STK32A: variants seen among roughly 807,000 people sequenced by gnomAD.
The protein encoded by STK32A is serine/threonine kinase 32A, also known as serine/threonine-protein kinase 32A.
Under a neutral mutation model 53.2 loss-of-function variants are expected in STK32A, and 41 were observed. The ratio of observed to expected loss-of-function variants is 0.77; its 90% confidence interval spans 0.60 to 1.00. The LOEUF is 1.00. STK32A is among the 50% of genes least tolerant of loss of function. The probability of loss-of-function intolerance (pLI) is 0.00; values close to 1 mark genes in which losing one functional copy is unlikely to be tolerated. For synonymous variants in STK32A, 166 were observed against 162.8 expected, an observed-to-expected ratio of 1.02 and a Z score of -0.15; for missense variants, 458 against 485.8, an observed-to-expected ratio of 0.94 and a Z score of 0.54.
At chr5:147,255,968 C>T (rs9686602) in intron 2 of STK32A, among the ~76,000 whole-genome samples, 46,434 of 151,938 alleles carry the variant, frequency 0.31, 7,332 homozygotes, top group African/African-American at 0.38. Flanking sequence ...TCTCGCTTTA[C>T]GATGTCTTAT....
At chr5:147,358,370 T>A (rs1756351365) in intron 7 of STK32A, among the ~76,000 whole-genome samples, 1 of 152,110 alleles carries the variant, frequency 6.6e-6, no homozygotes, top group South Asian at 2.1e-4. Context: ...GGTAAATAGT[T>A]TGGAGTTCTG....
At chr5:147,343,797 A>C (rs1321024337) in intron 6 of STK32A, among the ~76,000 whole-genome samples, 1 of 152,246 alleles carries the variant, frequency 6.6e-6, no homozygotes, top group African/African-American at 2.4e-5. Context: ...TTCTGTTTAA[A>C]AATTTCAGTT....
chr5:147,321,456 C>T (rs1269627113), intron 4 of STK32A, among the ~76,000 whole-genome samples: 1 of 152,166 alleles, frequency 6.6e-6, no homozygotes, highest in Non-Finnish European at 1.5e-5. Context: ...TTTTTAAGAG[C>T]CAAACGTGCC....
intron 4 of STK32A, among the ~76,000 whole-genome samples, chr5:147,291,571 T>G (rs1271899889): frequency 1.3e-5 from 2 of 151,206 alleles, no homozygotes; most frequent in Non-Finnish European, 3.0e-5. Context: ...AAAGAATTTC[T>G]ATGCCTGAAT....
chr5:147,349,540 G>T (rs918591958), intron 6 of STK32A, among the ~76,000 whole-genome samples: 3 of 152,136 alleles, frequency 2.0e-5, no homozygotes, highest in African/African-American at 4.8e-5. Context: ...CGGCCCTTTT[G>T]TTCCCTTTAG....
intron 6 of STK32A, 39 bp downstream of exon 6, chr5:147,343,082 G>A (rs758493311): frequency 1.2e-6 from 2 of 1,606,418 alleles, no homozygotes; most frequent in African/African-American, 1.3e-5. Context: ...TACATGACAT[G>A]CATGTAGAAA....
At chr5:147,262,020 G>A (rs1754595241) in intron 2 of STK32A, among the ~76,000 whole-genome samples, 2 of 152,178 alleles carry the variant, frequency 1.3e-5, no homozygotes, top group East Asian at 3.9e-4. Flanking sequence ...GAGGTTAAAT[G>A]AGAGTGACCG....
At chr5:147,284,909 A>C (rs1219095864) in intron 4 of STK32A, among the ~76,000 whole-genome samples, 1 of 152,146 alleles carries the variant, frequency 6.6e-6, no homozygotes, top group Non-Finnish European at 1.5e-5. Flanking sequence ...TGCAATTTCC[A>C]TCAAAATACC....
At chr5:147,305,263 G>A (rs1292715053) in intron 4 of STK32A, among the ~76,000 whole-genome samples, 1 of 152,122 alleles carries the variant, frequency 6.6e-6, no homozygotes, top group African/African-American at 2.4e-5. Context: ...CCTCAGCAAA[G>A]CGAGAGGGAG....
At chr5:147,399,393 C>T in the STK32A span, 1 of 956,168 alleles carries the variant, frequency 1.0e-6, no homozygotes, top group Non-Finnish European at 1.5e-6. Context: ...GCTACAGAAC[C>T]TCACTCAGCA....
At chr5:147,247,129 G>A (rs1216273634) in intron 2 of STK32A, among the ~76,000 whole-genome samples, 2 of 152,168 alleles carry the variant, frequency 1.3e-5, no homozygotes, top group African/African-American at 2.4e-5. Flanking sequence ...AGACAATTTG[G>A]TTATCACTTC....
At chr5:147,382,330 A>T (rs1387630743) in intron 11 of STK32A, among the ~76,000 whole-genome samples, 1 of 151,912 alleles carries the variant, frequency 6.6e-6, no homozygotes, top group Admixed American at 6.6e-5. Flanking sequence ...TTGTTTGCAC[A>T]TCATTTTCTT....
At chr5:147,268,318 G>T (rs1754895207) in intron 2 of STK32A, among the ~76,000 whole-genome samples, 1 of 152,156 alleles carries the variant, frequency 6.6e-6, no homozygotes, top group South Asian at 2.1e-4. Context: ...ATTCTTCTGA[G>T]GTTGTAATAA....
intron 6 of STK32A, among the ~76,000 whole-genome samples, chr5:147,350,321 A>C (rs1289966346): frequency 6.6e-6 from 1 of 151,684 alleles, no homozygotes; most frequent in Non-Finnish European, 1.5e-5. Context: ...ATTTGTATCC[A>C]TATTCATGCC....
intron 8 of STK32A, among the ~76,000 whole-genome samples, chr5:147,362,115 G>T (rs1314744436): frequency 1.3e-5 from 2 of 152,128 alleles, no homozygotes; most frequent in Non-Finnish European, 2.9e-5. Flanking sequence ...CTTAAACTAA[G>T]AATCTCTTTC....
chr5:147,320,840 A>G (rs1225215258), intron 4 of STK32A, among the ~76,000 whole-genome samples: 1 of 152,192 alleles, frequency 6.6e-6, no homozygotes, highest in Non-Finnish European at 1.5e-5. Flanking sequence ...GTGGAAGGAA[A>G]AGATCTTCAA....
At chr5:147,355,444 C>T (rs1284247734) in intron 7 of STK32A, among the ~76,000 whole-genome samples, 2 of 152,000 alleles carry the variant, frequency 1.3e-5, no homozygotes, top group East Asian at 1.9e-4. Flanking sequence ...GAGGCCGAGG[C>T]GGGCAGATCA....
chr5:147,265,945 C>T (rs1754790205), intron 2 of STK32A, among the ~76,000 whole-genome samples: 1 of 152,066 alleles, frequency 6.6e-6, no homozygotes, highest in Admixed American at 6.5e-5. Context: ...CCTTTTTCAC[C>T]CTTCCTTGGC....
intron 8 of STK32A, among the ~76,000 whole-genome samples, chr5:147,369,879 A>C (rs1385485525): frequency 4.6e-5 from 7 of 152,202 alleles, no homozygotes; most frequent in Admixed American, 4.6e-4. Context: ...AGTATCTTAC[A>C]GTTCACATAA....
Sources: allele counts gnomAD v4.1 joint callset (sites outside exome capture counted in the v4.1 genomes callset), GRCh38; gene constraint gnomAD v4.1.1; transcripts MANE v1.5; gene names NCBI Gene and HGNC (gene_info 2026-07-23, HGNC 2026-07-21).